Variants in AFAP1 observed in about 807,000 individuals in gnomAD.
The protein encoded by AFAP1 is actin filament-associated protein 1.
AFAP1 carries 75 observed loss-of-function variants against 93.9 expected under a neutral mutation model. That is an observed-to-expected ratio of 0.80 (90% CI 0.66 to 0.97). AFAP1 has a LOEUF of 0.97. Ranked by LOEUF, AFAP1 falls within the 50% of genes least tolerant of loss-of-function variation. AFAP1 has a pLI of 0.00. For missense variants in AFAP1, 1,201 were observed against 1,050.8 expected (o/e 1.14, Z -1.98); for synonymous variants, 517 against 430.7 (o/e 1.20, Z -2.48).
chr4:7,799,053 T>C (rs756094741), intron 10 of AFAP1: 35 of 985,954 alleles, frequency 3.5e-5, no homozygotes, highest in Non-Finnish European at 4.2e-5. Flanking sequence ...GTTTTCAGCC[T>C]ACATAAATGT....
In AFAP1 at chr4:7,793,030, G is replaced by T. The variant is rs536105740; in HGVS notation, c.1412+651C>A. 5.3e-5 allele frequency among the ~76,000 whole-genome samples: 8 copies of T among 152,304 alleles called. No individual in the cohort carries two copies. In the South Asian group the frequency reaches 1.5e-3, roughly 28 times the overall value. Reference sequence around the variant, plus strand: ...TGAAAATAATTTAACCCCGCAGACTGCCAGAAAGGGTCTGGAAAATCTCCA... The same window carrying T: ...TGAAAATAATTTAACCCCGCAGACTTCCAGAAAGGGTCTGGAAAATCTCCA... On this transcript the variant is annotated intron_variant, in intron 11 of 17. Transcript: ENST00000420658.
At chr4:7,894,645 CTG>C (rs1348718572) in intron 1 of AFAP1, among the ~76,000 whole-genome samples, 1 of 152,192 alleles carries the variant, frequency 6.6e-6, no homozygotes, top group Non-Finnish European at 1.5e-5. Flanking sequence ...ACCACCATAA[CTG>C]TGTTGGCTCC....
chr4:7,808,688 G>A (rs959012944), intron 9 of AFAP1, among the ~76,000 whole-genome samples: 3 of 152,188 alleles, frequency 2.0e-5, no homozygotes, highest in African/African-American at 4.8e-5. Context: ...AGTGTGGGGG[G>A]CTGGCCTGGT....
intron 5 of AFAP1, among the ~76,000 whole-genome samples, chr4:7,839,000 G>A (rs941221007): frequency 6.6e-6 from 1 of 152,100 alleles, no homozygotes; most frequent in South Asian, 2.1e-4. Flanking sequence ...TTTATGATCC[G>A]GTGGGGCTTC....
chr4:7,768,965 G>C lies in AFAP1; in HGVS notation c.2297C>G (p.Ser766Cys). Residue 766 changes from serine to cysteine, a missense_variant, in exon 17 of 18, where the codon TCC (serine) becomes TGC (cysteine). By Grantham distance (112) the Ser-to-Cys change is moderately radical. Transcript: ENST00000420658. The stretch of plus-strand genomic sequence containing the variant: ...CTCGGTGTCACTGGTGTCACAGCTG[G>C]AGATGGGCGAGTTTTCCAGGGTCCG... ...RHRTLENSPI[S>C]SCDTSDTEGP... 1 of 1,613,744 alleles carries C rather than the reference G, an allele frequency of 6.2e-7. No homozygotes were observed. The highest frequency in any genetic ancestry group is 8.5e-7 in the Non-Finnish European group (1 of 1,179,726).
chr4:7,855,687 C>A (rs144500691), intron 3 of AFAP1, 113 bp from the exon 4 acceptor site: 136 of 868,644 alleles, frequency 1.6e-4, no homozygotes, highest in Non-Finnish European at 1.5e-5. Flanking sequence ...GTAAAGTCTT[C>A]GGCAAAAGAG....
intron 4 of AFAP1, among the ~76,000 whole-genome samples, chr4:7,853,473 T>G (rs1714688135): frequency 6.6e-6 from 1 of 152,156 alleles, no homozygotes; most frequent in Admixed American, 6.5e-5. Context: ...ACCTGTGCCA[T>G]CAGGAGAGAC....
At chr4:7,896,266 C>T (rs1718760722) in intron 1 of AFAP1, among the ~76,000 whole-genome samples, 1 of 152,046 alleles carries the variant, frequency 6.6e-6, no homozygotes, top group African/African-American at 2.4e-5. Flanking sequence ...TTTACATACA[C>T]CTTTGGTTTT....
At chr4:7,880,998 C>T (rs1409300865) in intron 1 of AFAP1, among the ~76,000 whole-genome samples, 1 of 152,170 alleles carries the variant, frequency 6.6e-6, no homozygotes, top group Non-Finnish European at 1.5e-5. Flanking sequence ...ACTCAAGGGC[C>T]TTGCTACAAC....
chr4:7,821,885 A>C (rs1721001643), intron 6 of AFAP1, among the ~76,000 whole-genome samples: 1 of 152,186 alleles, frequency 6.6e-6, no homozygotes, highest in African/African-American at 2.4e-5. Context: ...TCCACAGTTG[A>C]GACTACAAAA....
At chr4:7,858,861 C>G (rs762592618) in intron 3 of AFAP1, among the ~76,000 whole-genome samples, 1 of 152,358 alleles carries the variant, frequency 6.6e-6, no homozygotes, top group East Asian at 1.9e-4. Context: ...TACAGGTCCA[C>G]AGACAACAAA....
intron 9 of AFAP1, among the ~76,000 whole-genome samples, chr4:7,808,258 A>G (rs926095428): frequency 6.6e-6 from 1 of 152,188 alleles, no homozygotes; most frequent in Non-Finnish European, 1.5e-5. Flanking sequence ...TTGATTGCCT[A>G]GAAGGCATTC....
At chr4:7,777,179 CCCT>C (rs1231829558) in intron 14 of AFAP1, 3 of 152,164 alleles carry the variant, frequency 2.0e-5, no homozygotes, top group Non-Finnish European at 4.4e-5. Context: ...CCCCATCTGC[CCCT>C]CCTCAAAGAA....
At chr4:7,865,728 T>G (rs1408137269) in intron 3 of AFAP1, among the ~76,000 whole-genome samples, 4 of 152,208 alleles carry the variant, frequency 2.6e-5, no homozygotes. Flanking sequence ...CATCTGAAAC[T>G]GGCATCCCTC....
chr4:7,762,234 G>A lies in AFAP1; in HGVS notation c.*1531C>T, dbSNP rs1713912967. 1 of 152,276 alleles carries A rather than the reference G, an allele frequency of 6.6e-6. No homozygotes were observed. The highest frequency in any genetic ancestry group is 6.5e-5 in the Admixed American group (1 of 15,280). 9.4% of individuals were successfully genotyped at this position (152,276 alleles called of 1,614,324 possible). On this transcript the variant is annotated 3_prime_UTR_variant, in exon 18 of 18. Transcript: ENST00000420658. ...GCACCACACAGCTAGCGCTCTGAAA[G>A]TATGTCTGGGGGAAACCCAAGGAGT...
intron 8 of AFAP1, among the ~76,000 whole-genome samples, chr4:7,813,342 A>G (rs55740648): frequency 0.21 from 31,770 of 152,182 alleles, 4,275 homozygotes; most frequent in Non-Finnish European, 0.31. Context: ...CGTCTGCTAC[A>G]TGCAAAGCAC....
At chr4:7,814,479 A>G (rs1209270960) in intron 8 of AFAP1, among the ~76,000 whole-genome samples, 1 of 152,202 alleles carries the variant, frequency 6.6e-6, no homozygotes, top group Non-Finnish European at 1.5e-5. Context: ...GAATGCACAG[A>G]ACAGATTTTT....
chr4:7,928,535 G>C (rs9994626), intron 1 of AFAP1, among the ~76,000 whole-genome samples: 16 of 151,786 alleles, frequency 1.1e-4, no homozygotes, highest in East Asian at 7.8e-4. Flanking sequence ...CTACAGGCAC[G>C]CACCACCACA....
chr4:7,775,129 AC>A, intron 14 of AFAP1: 1 of 489,256 alleles, frequency 2.0e-6, no homozygotes, highest in Non-Finnish European at 3.5e-6. Flanking sequence ...TGACAGTGAG[AC>A]CCCGTGTCAA....
Sources: allele counts gnomAD v4.1 joint callset (sites outside exome capture counted in the v4.1 genomes callset), GRCh38; gene constraint gnomAD v4.1.1; transcripts MANE v1.5; gene names NCBI Gene and HGNC (gene_info 2026-07-23, HGNC 2026-07-21).